The following MYH11 variants were observed in gnomAD, a reference collection of about 807,000 sequenced individuals.
MYH11 encodes myosin-11.
In MYH11, 80 loss-of-function variants were observed where a neutral mutation model predicts 246.6. The observed-to-expected ratio is 0.32, with a 90% CI of 0.27 to 0.39. The LOEUF (loss-of-function observed/expected upper bound fraction) is 0.39, where lower values mean the gene tolerates loss of function less well. MYH11 is among the 10% of genes least tolerant of loss of function. The pLI is 1.00. For missense variants in MYH11, 2,158 were observed against 2,546.8 expected, an observed-to-expected ratio of 0.85 and a Z score of 3.29; for synonymous variants, 1,071 against 1,015.5, an observed-to-expected ratio of 1.05 and a Z score of -1.04.
chr16:15,763,760 C>CCCCAA, intron 10 of MYH11, 36 bp downstream of exon 10: 2 of 1,192,078 alleles, frequency 1.7e-6, no homozygotes, highest in Non-Finnish European at 2.5e-6. Context: ...CCCCCAACCC[C>CCCCAA]AAAGTCATTG....
At chr16:15,825,540 C>T (rs2043539342) in intron 2 of MYH11, among the ~76,000 whole-genome samples, 1 of 152,088 alleles carries the variant, frequency 6.6e-6, no homozygotes, top group Admixed American at 6.6e-5. Flanking sequence ...CCCTGGGTGA[C>T]AGAGCAAGAC....
intron 33 of MYH11, 138 bp downstream of exon 33, chr16:15,720,701 C>T: frequency 1.0e-6 from 1 of 988,042 alleles, no homozygotes. Context: ...CCACTGCACT[C>T]CAGCCTGGGC....
At chr16:15,737,008 G>A (rs1430575032) in intron 25 of MYH11, among the ~76,000 whole-genome samples, 1 of 152,104 alleles carries the variant, frequency 6.6e-6, no homozygotes, top group African/African-American at 2.4e-5. Flanking sequence ...CTGTGGGTCG[G>A]CAGAAACAAA....
chr16:15,741,596 A>G lies in MYH11; in HGVS notation c.2726T>C (p.Met909Thr). The G allele has an allele frequency of 6.2e-7, 1 of 1,612,854 alleles. No homozygotes were observed. Among genetic ancestry groups the G allele is most frequent in the Non-Finnish European group, 8.5e-7 (1 of 1,180,024 alleles). Residue 909 changes from methionine to threonine, a missense_variant, in exon 22 of 41, where the codon ATG becomes ACG. Physicochemically the swap from Met to Thr is moderately conservative, Grantham distance 81 (BLOSUM62 -1). Around this residue, in one of 11 missense-constraint regions of MYH11, gnomAD observed 284 missense variants for 315.4 expected, o/e 0.90. Coordinates refer to ENST00000300036, the MANE Select transcript of MYH11 (RefSeq NM_002474.3). ...ETELYAEAEE[M>T]RVRLAAKKQE... is the part of the protein sequence containing the mutation. ...CTTCTTGGCCGCCAGCCGCACCCGC[A>G]TCTCCTCAGCCTCTGCATACAGCTC...
intron 2 of MYH11, among the ~76,000 whole-genome samples, chr16:15,832,269 C>A (rs1475367558): frequency 2.0e-5 from 3 of 152,108 alleles, no homozygotes; most frequent in Admixed American, 2.0e-4. Context: ...CTTGGAGTTC[C>A]AATGAGCAGG....
chr16:15,706,567 C>T (rs942119346), intron 40 of MYH11, among the ~76,000 whole-genome samples: 6 of 152,148 alleles, frequency 3.9e-5, no homozygotes, highest in Middle Eastern at 3.4e-3. Flanking sequence ...ATTAGCCGTG[C>T]GTGGTGGCAG....
At chr16:15,716,294 T>A (rs2040131630) in intron 38 of MYH11, among the ~76,000 whole-genome samples, 1 of 152,066 alleles carries the variant, frequency 6.6e-6, no homozygotes, top group South Asian at 2.1e-4. Context: ...CGTTTTTACA[T>A]GTTTGTGAAT....
In MYH11 at chr16:15,733,823, A is replaced by G. The variant is rs139288782; in HGVS notation, c.3507-1115T>C. On this transcript the variant is annotated intron_variant, in intron 26 of 40. Transcript: ENST00000300036. Reference sequence around the variant, plus strand: ...CTCCCAAAGTGCTGGGATTACAGGCATGAGCCACCATACCTGGCCCATGCA... The same window carrying G: ...CTCCCAAAGTGCTGGGATTACAGGCGTGAGCCACCATACCTGGCCCATGCA... Among the ~76,000 whole-genome samples the G allele has an allele frequency of 2.6e-3, 399 of 152,306 alleles. 4 individuals are homozygous for G. Among genetic ancestry groups the G allele is most frequent in the African/African-American group, 8.8e-3 (366 of 41,576 alleles).
At chr16:15,713,512 T>C (rs2039938808) in intron 40 of MYH11, 1 of 152,394 alleles carries the variant, frequency 6.6e-6, no homozygotes, top group South Asian at 2.1e-4. Flanking sequence ...TTTGGGTTTT[T>C]TGAGACAGGG....
intron 4 of MYH11, among the ~76,000 whole-genome samples, chr16:15,787,481 C>T (rs1370318553): frequency 2.6e-5 from 3 of 116,018 alleles, no homozygotes; most frequent in Admixed American, 9.5e-5. Flanking sequence ...GAATTATCTA[C>T]TTTTTTTTTT....
chr16:15,716,033 G>A (rs1056168635), intron 38 of MYH11, among the ~76,000 whole-genome samples: 12 of 152,018 alleles, frequency 7.9e-5, no homozygotes, highest in South Asian at 2.1e-4. Flanking sequence ...AGGGTGAGGC[G>A]GAGGTTGCAG....
rs535654175 is a variant in MYH11, at chr16:15,824,471, G to A, written c.346-1060C>T. On this transcript the variant is annotated intron_variant, in intron 2 of 40. Coordinates refer to ENST00000300036, the MANE Select transcript of MYH11 (RefSeq NM_002474.3). ...TTTTATTTTGTTTTTTGTAGAGACA[G>A]GGTTTCACCATATTGCCCAGGCTGG... Among the ~76,000 whole-genome samples, 12 of 152,164 alleles carry A rather than the reference G, an allele frequency of 7.9e-5. No homozygotes were observed. In the East Asian group the frequency reaches 1.7e-3, roughly 22 times the overall value.
intron 19 of MYH11, 127 bp downstream of exon 19, chr16:15,747,435 CCTTCAAGA>C: frequency 9.4e-7 from 1 of 1,066,510 alleles, no homozygotes. Flanking sequence ...CATTTCTTCC[CCTTCAAGA>C]AAAGGCTGTC....
chr16:15,724,872 G>A lies in MYH11; in HGVS notation c.3963+16C>T. On this transcript the variant is annotated intron_variant, in intron 29 of 40. Transcript: ENST00000300036. ...CCACCCCCCAGGTCCCCTGGATGAT[G>A]TGGCAGGACACTCACCTGGGTGTCC... is the stretch of plus-strand genomic sequence containing the variant. 1 of 1,613,946 alleles carries A rather than the reference G, an allele frequency of 6.2e-7. No individual in the cohort carries two copies. The highest frequency in any genetic ancestry group is 8.5e-7 in the Non-Finnish European group (1 of 1,179,986).
At position 15,726,550 on chromosome 16, in the gene MYH11, T is replaced by C. The variant is rs1025953578; in HGVS notation, c.3858+298A>G. On this transcript the variant is annotated intron_variant, in intron 28 of 40. Transcript: ENST00000300036. ...CACGCCTGGCTAATTTTTGTATTTT[T>C]AGTAGAGACTTTTCACCATGTTGGC... 11 of 479,626 alleles carry C rather than the reference T, an allele frequency of 2.3e-5. No individual in the cohort carries two copies. In the Middle Eastern group the frequency reaches 2.4e-3, roughly 104 times the overall value. 29.7% of individuals were successfully genotyped at this position (479,626 alleles called of 1,614,324 possible).
chr16:15,784,229 A>G (rs1261558834), intron 5 of MYH11, among the ~76,000 whole-genome samples: 1 of 152,054 alleles, frequency 6.6e-6, no homozygotes, highest in African/African-American at 2.4e-5. Flanking sequence ...GGGCTGAGGG[A>G]AGACACTTAG....
intron 3 of MYH11, among the ~76,000 whole-genome samples, chr16:15,818,707 A>G (rs1396972882): frequency 6.6e-6 from 1 of 152,120 alleles, no homozygotes; most frequent in African/African-American, 2.4e-5. Flanking sequence ...AAGTGCTGGG[A>G]TTACAGGCGT....
chr16:15,810,505 G>C (rs922339578), intron 3 of MYH11, among the ~76,000 whole-genome samples: 2 of 152,172 alleles, frequency 1.3e-5, no homozygotes, highest in African/African-American at 2.4e-5. Flanking sequence ...GAGCCAGCCA[G>C]ACAGAGCCAT....
Position 15,737,444 on chromosome 16 carries a change from G to C in MYH11, c.3293+5C>G. The C allele has an allele frequency of 3.1e-6, 5 of 1,611,392 alleles. No individual in the cohort carries two copies. The highest frequency in any genetic ancestry group is 4.2e-6 in the Non-Finnish European group (5 of 1,180,000). The stretch of plus-strand genomic sequence containing the variant: ...ACAGCAAATGCCCCTTGCCAGCCCC[G>C]CTACCTGGCCAGGGCCGCCTGCAGC... On this transcript the variant is annotated splice_donor_5th_base_variant and intron_variant, in intron 25 of 40. Coordinates refer to ENST00000300036, the MANE Select transcript of MYH11 (RefSeq NM_002474.3).
Sources: allele counts gnomAD v4.1 joint callset (sites outside exome capture counted in the v4.1 genomes callset), GRCh38; gene constraint gnomAD v4.1.1; regional missense constraint gnomAD v4.1.1; transcripts MANE v1.5; gene names NCBI Gene and HGNC (gene_info 2026-07-23, HGNC 2026-07-21).